The following HERC4 variants were observed in gnomAD, a reference collection of about 807,000 sequenced individuals.
The protein encoded by HERC4 is probable E3 ubiquitin-protein ligase HERC4.
In HERC4, 28 loss-of-function variants were observed where a neutral mutation model predicts 124.3. The observed-to-expected ratio is 0.23, with a 90% CI of 0.17 to 0.31. The LOEUF is 0.31. Ranked by LOEUF, HERC4 falls within the 10% of genes least tolerant of loss-of-function variation. The probability of loss-of-function intolerance (pLI) is 1.00; values close to 1 mark genes in which losing one functional copy is unlikely to be tolerated. For synonymous variants in HERC4, 407 were observed against 421.5 expected (o/e 0.97, Z 0.42); for missense variants, 713 against 1,229.3 (o/e 0.58, Z 6.28).
chr10:67,940,923 T>C lies in HERC4; in HGVS notation c.2504+16A>G, dbSNP rs1214723339. 1.2e-6 allele frequency: 2 copies of C among 1,604,350 alleles called. No homozygotes were observed. The highest frequency in any genetic ancestry group is 2.7e-5 in the African/African-American group (2 of 74,264). On this transcript the variant is annotated intron_variant, in intron 20 of 24. Coordinates refer to ENST00000373700, the MANE Select transcript of HERC4 (RefSeq NM_015601.4). ...TCCCAAACCCTACTACTTTTTGACTTTTTTTTCCAACTAACCTCCCAACAT... is the reference window on the plus strand; with the variant it reads ...TCCCAAACCCTACTACTTTTTGACTCTTTTTTCCAACTAACCTCCCAACAT...
chr10:67,928,051 G>A (rs2031343105), intron 23 of HERC4, among the ~76,000 whole-genome samples: 1 of 152,160 alleles, frequency 6.6e-6, no homozygotes, highest in African/African-American at 2.4e-5. Context: ...AAGGAGGTGA[G>A]AGCAAGAATC....
intron 9 of HERC4, 97 bp downstream of exon 9, chr10:68,013,929 T>C: frequency 1.9e-6 from 2 of 1,038,064 alleles, no homozygotes; most frequent in Admixed American, 2.5e-5. Flanking sequence ...TAACAATGTA[T>C]CTTGGAATTC....
rs1564586851 is a variant in HERC4, at chr10:68,044,398, T to C, written c.386+6A>G. The C allele has an allele frequency of 6.2e-7, 1 of 1,604,096 alleles. No homozygotes were observed. Among genetic ancestry groups the C allele is most frequent in the Non-Finnish European group, 8.5e-7 (1 of 1,177,364 alleles). On this transcript the variant is annotated splice_donor_region_variant and intron_variant, in intron 4 of 24. Transcript: ENST00000373700. ...TTAAGGACCTCTTTCTGGTCACCTT[T>C]GTTACCTGGGTACTCTGATGCATTC...
chr10:68,051,994 G>C (rs1343005200), intron 3 of HERC4, among the ~76,000 whole-genome samples: 1 of 151,274 alleles, frequency 6.6e-6, no homozygotes, highest in Non-Finnish European at 1.5e-5. Flanking sequence ...GCTTCAAACT[G>C]TTCATATAAA....
chr10:68,040,567 T>A (rs1409089752), intron 4 of HERC4: 1 of 483,186 alleles, frequency 2.1e-6, no homozygotes, highest in Non-Finnish European at 2.7e-6. Flanking sequence ...TCATTTCTAA[T>A]TTTTGAATAT....
rs1445391260 is a variant in HERC4 at position 67,927,416 on chromosome 10, ATATATATATATATAT to A, written c.2839-2244_2839-2230del. Among the ~76,000 whole-genome samples, 40 of 8,966 alleles carry A rather than the reference ATATATATATATATAT, an allele frequency of 4.5e-3. 3 individuals are homozygous for A. Among genetic ancestry groups the A allele is most frequent in the Admixed American group, 0.021 (19 of 894 alleles). 5.9% of individuals were successfully genotyped at this position (8,966 alleles called of 152,430 possible). ...TATATATATATATATATATATATAT[ATATATATATATATAT>A]TTTTTTTTTTTTTTAGATAGAGTCT... On this transcript the variant is annotated intron_variant, in intron 23 of 24. Transcript: ENST00000373700.
chr10:67,926,423 A>G (rs527895932), intron 23 of HERC4, among the ~76,000 whole-genome samples: 4 of 149,186 alleles, frequency 2.7e-5, no homozygotes, highest in African/African-American at 9.8e-5. Context: ...AAATAAAAAA[A>G]AAAAAAAACA....
At chr10:68,043,059 T>G (rs965714529) in intron 4 of HERC4, among the ~76,000 whole-genome samples, 1 of 152,200 alleles carries the variant, frequency 6.6e-6, no homozygotes, top group African/African-American at 2.4e-5. Flanking sequence ...TTGTTATTAT[T>G]GGACAACCCT....
chr10:68,032,042 G>A (rs534161587), intron 7 of HERC4, among the ~76,000 whole-genome samples: 19 of 152,304 alleles, frequency 1.2e-4, no homozygotes, highest in African/African-American at 4.3e-4. Flanking sequence ...ATGAGCCTCT[G>A]TGCCCGGACG....
intron 3 of HERC4, among the ~76,000 whole-genome samples, chr10:68,051,655 G>A (rs7069772): frequency 0.1 from 14,740 of 145,144 alleles, 803 homozygotes; most frequent in South Asian, 0.15. Context: ...CACCATGCCC[G>A]GCCAATGTTA....
At chr10:68,025,446 G>C in intron 8 of HERC4, 100 bp downstream of exon 8, 1 of 1,324,516 alleles carries the variant, frequency 7.5e-7, no homozygotes, top group Non-Finnish European at 1.0e-6. Context: ...GGGGCAGAAT[G>C]TGTTTCCTCA....
chr10:68,063,231 T>C (rs559215948), intron 3 of HERC4, among the ~76,000 whole-genome samples: 2 of 152,288 alleles, frequency 1.3e-5, no homozygotes, highest in East Asian at 3.9e-4. Context: ...ATTTTTTTAG[T>C]TGGAGTCTCG....
chr10:68,039,152 C>CAAAAAA (rs5785843), intron 4 of HERC4, among the ~76,000 whole-genome samples: 1 of 115,274 alleles, frequency 8.7e-6, no homozygotes, highest in African/African-American at 2.9e-5. Flanking sequence ...ACTGAAAATA[C>CAAAAAA]AAAAAAAAAA....
At chr10:68,059,466 T>C (rs1431091527) in intron 3 of HERC4, among the ~76,000 whole-genome samples, 1 of 132,180 alleles carries the variant, frequency 7.6e-6, no homozygotes, top group Non-Finnish European at 1.6e-5. Flanking sequence ...TATAATAATA[T>C]TATATATTAT....
chr10:68,073,283 C>T (rs2133888852), intron 2 of HERC4, 97 bp from the exon 3 acceptor site: 1 of 578,096 alleles, frequency 1.7e-6, no homozygotes, highest in East Asian at 2.8e-5. Context: ...ACATGGTAAA[C>T]ATTAAATATA....
chr10:67,959,224 C>A, intron 16 of HERC4: 1 of 1,265,270 alleles, frequency 7.9e-7, no homozygotes, highest in Non-Finnish European at 1.1e-6. Flanking sequence ...GGTAGCATTT[C>A]ATATATTTTG....
At chr10:67,924,135 T>C (rs910588464) in intron 24 of HERC4, among the ~76,000 whole-genome samples, 1 of 152,150 alleles carries the variant, frequency 6.6e-6, no homozygotes, top group African/African-American at 2.4e-5. Context: ...TATCCATGGA[T>C]TGAACCGACT....
At chr10:67,923,673 C>T (rs2030513055) in intron 24 of HERC4, among the ~76,000 whole-genome samples, 1 of 152,054 alleles carries the variant, frequency 6.6e-6, no homozygotes, top group African/African-American at 2.4e-5. Context: ...TCCTCTCTAC[C>T]TCAGCTTCTG....
chr10:68,035,711 G>A (rs1023945983), intron 5 of HERC4, among the ~76,000 whole-genome samples: 3 of 151,992 alleles, frequency 2.0e-5, no homozygotes, highest in Non-Finnish European at 2.9e-5. Flanking sequence ...TACTCTAGCC[G>A]TATTGCCTTC....
Sources: allele counts gnomAD v4.1 joint callset (sites outside exome capture counted in the v4.1 genomes callset), GRCh38; gene constraint gnomAD v4.1.1; transcripts MANE v1.5; gene names NCBI Gene and HGNC (gene_info 2026-07-23, HGNC 2026-07-21).